The following ANKRD50 variants were observed in gnomAD, a reference collection of about 807,000 sequenced individuals.
The protein encoded by ANKRD50 is ankyrin repeat domain 50.
ANKRD50 carries 40 observed loss-of-function variants against 112.0 expected under a neutral mutation model. The ratio of observed to expected loss-of-function variants is 0.36; its 90% CI spans 0.28 to 0.46. ANKRD50 has a LOEUF of 0.46. Ranked by LOEUF, ANKRD50 falls within the 20% of genes least tolerant of loss-of-function variation. The pLI is 1.00. For missense variants in ANKRD50, 1,487 were observed against 1,701.7 expected (o/e 0.87, Z 2.22); for synonymous variants, 613 against 619.1 (o/e 0.99, Z 0.15).
intron 2 of ANKRD50, among the ~76,000 whole-genome samples, chr4:124,709,411 A>G (rs1196600870): frequency 6.6e-6 from 1 of 152,192 alleles, no homozygotes; most frequent in Non-Finnish European, 1.5e-5. Flanking sequence ...CACTAAAAGT[A>G]AAAGTAGTAA....
In ANKRD50 at chr4:124,670,937, A is replaced by G. The variant is rs142676954; in HGVS notation, c.2340T>C (p.Asn780=). ...CTGCTGCTAAGAGGGGTGTACGGCCATTGTTATCTGTGTGATCTACATCTG... is the reference window on the plus strand; with the variant it reads ...CTGCTGCTAAGAGGGGTGTACGGCCGTTGTTATCTGTGTGATCTACATCTG... ...GGADVDHTDN[N]GRTPLLAAAS... The change falls in exon 4 of 5, where the codon AAT becomes AAC. Residue 780 remains asparagine, a synonymous_variant. Coordinates refer to ENST00000504087, the MANE Select transcript of ANKRD50 (RefSeq NM_020337.3). 1.2e-6 allele frequency: 2 copies of G among 1,613,742 alleles called. No individual in the cohort carries two copies. Among genetic ancestry groups the G allele is most frequent in the African/African-American group, 1.3e-5 (1 of 74,884 alleles).
chr4:124,675,727 A>C (rs2110511220), intron 3 of ANKRD50, among the ~76,000 whole-genome samples: 1 of 151,912 alleles, frequency 6.6e-6, no homozygotes, highest in East Asian at 1.9e-4. Context: ...ATCTTTTAAA[A>C]ATCTTGGAGG....
At chr4:124,675,210 C>T (rs1029399403) in intron 3 of ANKRD50, among the ~76,000 whole-genome samples, 10 of 151,634 alleles carry the variant, frequency 6.6e-5, no homozygotes, top group Non-Finnish European at 1.2e-4. Context: ...TCTATTCTTA[C>T]TTGAAACATT....
In ANKRD50 at chr4:124,687,903, C is replaced by T. The variant is rs137940741; in HGVS notation, c.513-8998G>A. Reference sequence around the variant, plus strand: ...AGAGCAATGGCATAGCCATTTCCAACGGTACAACCACTTCAGAAAAGTCTG... The same window carrying T: ...AGAGCAATGGCATAGCCATTTCCAATGGTACAACCACTTCAGAAAAGTCTG... On this transcript the variant is annotated intron_variant, in intron 2 of 4. Coordinates refer to ENST00000504087, the MANE Select transcript of ANKRD50 (RefSeq NM_020337.3). Among the ~76,000 whole-genome samples the T allele has an allele frequency of 2.9e-3, 447 of 152,304 alleles. 3 individuals are homozygous for T. The highest frequency in any genetic ancestry group is 9.3e-3 in the African/African-American group (387 of 41,568).
chr4:124,703,862 T>A (rs1032121165), intron 2 of ANKRD50, among the ~76,000 whole-genome samples: 1 of 152,130 alleles, frequency 6.6e-6, no homozygotes, highest in African/African-American at 2.4e-5. Flanking sequence ...AAGTTCTAAG[T>A]ATGCAAACAG....
chr4:124,688,368 A>G (rs947824259), intron 2 of ANKRD50, among the ~76,000 whole-genome samples: 1 of 152,052 alleles, frequency 6.6e-6, no homozygotes, highest in Non-Finnish European at 1.5e-5. Flanking sequence ...GGAGTGGGGG[A>G]AGGAGTTTAC....
chr4:124,667,696 T>A (rs1730529520), intron 4 of ANKRD50, among the ~76,000 whole-genome samples, 182 bp from the exon 5 acceptor site: 1 of 151,986 alleles, frequency 6.6e-6, no homozygotes, highest in African/African-American at 2.4e-5. Context: ...CCACAAAATG[T>A]TTACCTTAAT....
intron 2 of ANKRD50, among the ~76,000 whole-genome samples, chr4:124,703,523 A>T (rs1448058377): frequency 6.6e-6 from 1 of 152,212 alleles, no homozygotes; most frequent in East Asian, 1.9e-4. Context: ...AAATACATGA[A>T]CTGGTCCTGC....
At chr4:124,712,101 G>A (rs930289703) in intron 1 of ANKRD50, among the ~76,000 whole-genome samples, 1 of 152,102 alleles carries the variant, frequency 6.6e-6, no homozygotes, top group Non-Finnish European at 1.5e-5. Context: ...GAGAGGCCAC[G>A]AGCGAAGGTG....
At chr4:124,706,344 C>A (rs982633010) in intron 2 of ANKRD50, among the ~76,000 whole-genome samples, 8 of 152,036 alleles carry the variant, frequency 5.3e-5, no homozygotes, top group Non-Finnish European at 2.9e-5. Context: ...ATAGAATATA[C>A]TATACCATGT....
chr4:124,711,595 T>C (rs980597573), intron 1 of ANKRD50, among the ~76,000 whole-genome samples: 5 of 152,052 alleles, frequency 3.3e-5, no homozygotes. Flanking sequence ...GGCAAAACGC[T>C]CATTCACAGT....
Position 124,678,923 on chromosome 4 carries a change from A to G in ANKRD50, c.513-18T>C, listed in dbSNP as rs762233575. The G allele has an allele frequency of 6.5e-6, 10 of 1,536,408 alleles. No individual in the cohort carries two copies. Among genetic ancestry groups the G allele is most frequent in the Admixed American group, 1.7e-5 (1 of 57,624 alleles). ...GAACACACCTGTAAAACACATACAC[A>G]TGAGCATTTTGAATGTTAAGTGGCT... On this transcript the variant is annotated intron_variant, in intron 2 of 4. Coordinates refer to ENST00000504087, the MANE Select transcript of ANKRD50 (RefSeq NM_020337.3).
chr4:124,669,157 C>A lies in ANKRD50; in HGVS notation c.4120G>T (p.Val1374Phe), dbSNP rs765398629. The change falls in exon 4 of 5, where the codon GTT (valine) becomes TTT (phenylalanine). Residue 1374 changes from valine (V) to phenylalanine (F), a missense_variant. Val to Phe is a conservative substitution (Grantham distance 50, BLOSUM62 -1). Transcript: ENST00000504087. ...GGGACTGAAACCCTACCAAGAAAAACCTGGTTGCTCTGAAGATGATAATTT... is the reference window on the plus strand; with the variant it reads ...GGGACTGAAACCCTACCAAGAAAAAACTGGTTGCTCTGAAGATGATAATTT... ...NPNYHLQSNQ[V>F]FLGRVSVPRT... 2.5e-6 allele frequency: 4 copies of A among 1,613,632 alleles called. No homozygotes were observed. Among genetic ancestry groups the A allele is most frequent in the Non-Finnish European group, 3.4e-6 (4 of 1,179,768 alleles).
At chr4:124,704,953 G>A (rs1259148550) in intron 2 of ANKRD50, among the ~76,000 whole-genome samples, 1 of 152,090 alleles carries the variant, frequency 6.6e-6, no homozygotes, top group Non-Finnish European at 1.5e-5. Context: ...CATTGGCTGG[G>A]TGTGGTGGTG....
chr4:124,668,856 G>A, intron 4 of ANKRD50, 128 bp downstream of exon 4: 1 of 792,270 alleles, frequency 1.3e-6, no homozygotes, highest in Non-Finnish European at 1.9e-6. Context: ...TGATGAGGCA[G>A]GTCTGGCCCA....
chr4:124,676,471 T>C (rs886516600), intron 3 of ANKRD50, among the ~76,000 whole-genome samples: 1 of 151,654 alleles, frequency 6.6e-6, no homozygotes, highest in Non-Finnish European at 1.5e-5. Context: ...AGCAGATGAA[T>C]AGTTTAGAAA....
intron 2 of ANKRD50, among the ~76,000 whole-genome samples, chr4:124,704,502 T>C (rs1269922444): frequency 5.3e-5 from 8 of 152,146 alleles, no homozygotes; most frequent in African/African-American, 1.9e-4. Context: ...GACAGCAGGT[T>C]AACAAATTAA....
chr4:124,681,769 C>T (rs1464321460), intron 2 of ANKRD50, among the ~76,000 whole-genome samples: 1 of 152,152 alleles, frequency 6.6e-6, no homozygotes. Context: ...TACTTTCCTT[C>T]TCCTCTAATA....
chr4:124,671,348 A>C lies in ANKRD50; in HGVS notation c.1929T>G (p.Asp643Glu), dbSNP rs773428188. Residue 643 changes from aspartate to glutamate, a missense_variant, in exon 4 of 5, where the codon GAT becomes GAG. Physicochemically the swap from Asp to Glu is conservative, Grantham distance 45 (BLOSUM62 2). Transcript: ENST00000504087. The stretch of plus-strand genomic sequence containing the variant: ...CTGCTGCTCTCAAAGCTGTTCGGCT[A>C]TCAGCATCTGCACAATCCACTTTTA... ...AGVKVDCADA[D>E]SRTALRAAAW... 6.2e-7 allele frequency: 1 copy of C among 1,613,874 alleles called. No individual in the cohort carries two copies. The highest frequency in any genetic ancestry group is 1.1e-5 in the South Asian group (1 of 91,086).
Sources: allele counts gnomAD v4.1 joint callset (sites outside exome capture counted in the v4.1 genomes callset), GRCh38; gene constraint gnomAD v4.1.1; transcripts MANE v1.5; gene names NCBI Gene and HGNC (gene_info 2026-07-23, HGNC 2026-07-21).